CDKL3: variants seen among roughly 807,000 people sequenced by gnomAD.
The protein encoded by CDKL3 is cyclin dependent kinase like 3, also known as cyclin-dependent kinase-like 3.
In CDKL3, 65 loss-of-function variants were observed where a neutral mutation model predicts 69.3. The observed-to-expected ratio is 0.94, with a 90% CI of 0.77 to 1.15. The LOEUF is 1.15. CDKL3 is among the 50% of genes most tolerant of loss of function. The pLI, the probability that CDKL3 is intolerant of heterozygous loss-of-function variation, is 0.00. For missense variants in CDKL3, 652 were observed against 689.2 expected, an observed-to-expected ratio of 0.95 and a Z score of 0.61; for synonymous variants, 202 against 221.6, an observed-to-expected ratio of 0.91 and a Z score of 0.79.
At chr5:134,298,790 C>A in intron 12 of CDKL3, 80 bp from the exon 13 acceptor site, 1 of 1,529,598 alleles carries the variant, frequency 6.5e-7, no homozygotes, top group South Asian at 1.2e-5. Flanking sequence ...TTTATTAATG[C>A]TAAATTACAT....
intron 7 of CDKL3, among the ~76,000 whole-genome samples, chr5:134,309,803 G>A (rs1484856463): frequency 6.6e-6 from 1 of 152,176 alleles, no homozygotes; most frequent in Non-Finnish European, 1.5e-5. Flanking sequence ...CTGTGTAGAA[G>A]TGATATGAAG....
chr5:134,304,345 T>C lies in CDKL3; in HGVS notation c.1621+60A>G, dbSNP rs568178062. 83 of 1,337,486 alleles carry C rather than the reference T, an allele frequency of 6.2e-5. 1 individual carries two copies. In the East Asian group the frequency reaches 2.0e-3, roughly 32 times the overall value. 82.9% of individuals were successfully genotyped at this position (1,337,486 alleles called of 1,614,324 possible). On this transcript the variant is annotated intron_variant, in intron 11 of 12. Coordinates refer to ENST00000265334, the MANE Select transcript of CDKL3 (RefSeq NM_001113575.2). ...TCACACTATAAAATGTAAGTTATAT[T>C]ATGAAAAAATCTTATAAATGATATC... is the stretch of plus-strand genomic sequence containing the variant.
chr5:134,310,313 G>A (rs1178060774), intron 7 of CDKL3, among the ~76,000 whole-genome samples: 4 of 151,876 alleles, frequency 2.6e-5, no homozygotes, highest in African/African-American at 7.3e-5. Context: ...AACCTCCTGA[G>A]TAGCTGGCAT....
At chr5:134,294,168 A>C (rs1405416099), downstream of CDKL3, among the ~76,000 whole-genome samples, 3 of 152,230 alleles carry the variant, frequency 2.0e-5, no homozygotes, top group South Asian at 6.2e-4. Context: ...AAAAAGAATC[A>C]AATGGATTTT....
upstream of CDKL3, chr5:134,371,520 GGCC>G (rs1758408282): frequency 6.4e-7 from 1 of 1,559,304 alleles, no homozygotes; most frequent in South Asian, 1.2e-5. Context: ...ACAGTGATTC[GGCC>G]GCCGCGCCGG....
intron 2 of CDKL3, among the ~76,000 whole-genome samples, chr5:134,362,689 G>A (rs1240852592): frequency 6.6e-6 from 1 of 152,160 alleles, no homozygotes; most frequent in Non-Finnish European, 1.5e-5. Flanking sequence ...AGTACTTTGG[G>A]AGGCTGAGGT....
chr5:134,284,892 T>C (rs1764791682), downstream of CDKL3, among the ~76,000 whole-genome samples: 1 of 152,198 alleles, frequency 6.6e-6, no homozygotes, highest in Admixed American at 6.5e-5. Flanking sequence ...GATGCCCAGA[T>C]TTCATATTGT....
At position 134,312,377 on chromosome 5, in the gene CDKL3, A is replaced by T; in HGVS notation, c.796T>A (p.Cys266Ser). Reference sequence around the variant, plus strand: ...CTGTCAGCAGGATCAATTTGTAAACAAGCCTAGGAAAGGAAAAAGATTTTA... The same window carrying T: ...CTGTCAGCAGGATCAATTTGTAAACTAGCCTAGGAAAGGAAAAAGATTTTA... ...NGLLADIVHA[C>S]LQIDPADRIS... Residue 266 changes from cysteine to serine, a missense_variant, in exon 7 of 13, where the codon TGT becomes AGT. Coordinates refer to ENST00000265334, the MANE Select transcript of CDKL3 (RefSeq NM_001113575.2). The T allele has an allele frequency of 6.4e-7, 1 of 1,568,398 alleles. No individual in the cohort carries two copies. The highest frequency in any genetic ancestry group is 8.6e-7 in the Non-Finnish European group (1 of 1,157,130).
intron 7 of CDKL3, among the ~76,000 whole-genome samples, chr5:134,310,364 G>A (rs1044198026): frequency 2.0e-5 from 3 of 151,680 alleles, no homozygotes; most frequent in Admixed American, 6.6e-5. Flanking sequence ...TTTGTTTTTT[G>A]TATTTTTAGT....
intron 4 of CDKL3, among the ~76,000 whole-genome samples, chr5:134,338,875 C>T (rs1490798531): frequency 3.3e-5 from 5 of 152,030 alleles, no homozygotes; most frequent in Non-Finnish European, 5.9e-5. Context: ...TAAATGGGGT[C>T]GGGCACGGTG....
chr5:134,313,351 A>G (rs1770097464), intron 6 of CDKL3, among the ~76,000 whole-genome samples: 2 of 152,186 alleles, frequency 1.3e-5, no homozygotes, highest in Non-Finnish European at 1.5e-5. Context: ...TGAGTAGCTC[A>G]GACTACAGAC....
At position 134,318,314 on chromosome 5, in the gene CDKL3, T is replaced by C. The variant is rs887610992; in HGVS notation, c.792+1044A>G. On this transcript the variant is annotated intron_variant, in intron 6 of 12. Transcript: ENST00000265334. Reference sequence around the variant, plus strand: ...AAGGAGCTATATAATGTTTTTATTTTCTCCAGGTCAAGAAGGAATTTTGGC... The same window carrying C: ...AAGGAGCTATATAATGTTTTTATTTCCTCCAGGTCAAGAAGGAATTTTGGC... 4.6e-5 allele frequency among the ~76,000 whole-genome samples: 7 copies of C among 152,040 alleles called. No individual in the cohort carries two copies. The East Asian group carries it at 1.3e-3, about 29-fold the overall frequency.
chr5:134,315,233 AAG>A (rs2149467048), intron 6 of CDKL3, among the ~76,000 whole-genome samples: 1 of 152,328 alleles, frequency 6.6e-6, no homozygotes, highest in African/African-American at 2.4e-5. Context: ...AGCATATTGC[AAG>A]TTTTGCAAAC....
intron 4 of CDKL3, among the ~76,000 whole-genome samples, chr5:134,344,803 T>C (rs6869852): frequency 0.77 from 117,049 of 152,038 alleles, 48,005 homozygotes; most frequent in East Asian, 0.94. Context: ...GTGGCTCACA[T>C]CTGTAATCTC....
intron 4 of CDKL3, among the ~76,000 whole-genome samples, chr5:134,343,644 A>G (rs1751091419): frequency 6.6e-6 from 1 of 152,148 alleles, no homozygotes; most frequent in African/African-American, 2.4e-5. Flanking sequence ...CAAACCCTGT[A>G]CTTGATGGAT....
chr5:134,297,392 C>T (rs1015825627), downstream of CDKL3, among the ~76,000 whole-genome samples: 6 of 152,062 alleles, frequency 3.9e-5, no homozygotes, highest in South Asian at 1.0e-3. Context: ...ATTTTGGTCC[C>T]TCAGATCACA....
chr5:134,335,004 G>A (rs1444125680), intron 4 of CDKL3, among the ~76,000 whole-genome samples: 1 of 152,014 alleles, frequency 6.6e-6, no homozygotes, highest in Non-Finnish European at 1.5e-5. Context: ...GTTCTGTGTT[G>A]GGTGCATATA....
upstream of CDKL3, chr5:134,367,275 G>C (rs1757679166): frequency 2.0e-6 from 2 of 985,052 alleles, no homozygotes; most frequent in South Asian, 4.7e-5. Flanking sequence ...GAAGAGTGCT[G>C]TGCTTGGGAA....
rs138520048 is a variant in CDKL3, at chr5:134,314,141, G to A, written c.793-1761C>T. ...GCCTGGGCAAGAAGAGCAAAGCTCC[G>A]TCTCAAAAACAAAACAAAACGAAAC... On this transcript the variant is annotated intron_variant, in intron 6 of 12. Coordinates refer to ENST00000265334, the MANE Select transcript of CDKL3 (RefSeq NM_001113575.2). Among the ~76,000 whole-genome samples the A allele has an allele frequency of 1.9e-3, 293 of 152,056 alleles. 3 individuals carry two copies. The Middle Eastern group carries it at 0.027, about 14-fold the overall frequency.
Sources: gnomAD v4.1 joint callset for allele counts (sites outside exome capture counted in the v4.1 genomes callset) on GRCh38, gnomAD v4.1.1 for gene constraint, MANE v1.5 for transcripts, NCBI Gene and HGNC (gene_info 2026-07-23, HGNC 2026-07-21) for gene names.